Variants in VWA8 observed in about 807,000 individuals in gnomAD.
VWA8 encodes the protein von Willebrand factor A domain-containing protein 8.
Under a neutral mutation model 241.5 loss-of-function variants are expected in VWA8, and 221 were observed. That is an observed-to-expected ratio of 0.91 (90% CI 0.82 to 1.02). VWA8 has a LOEUF of 1.02. Among genes scored for constraint, VWA8 ranks in the 50% least tolerant of loss-of-function variants. The probability of loss-of-function intolerance (pLI) is 0.00; values close to 1 mark genes in which losing one functional copy is unlikely to be tolerated. For synonymous variants in VWA8, 852 were observed against 827.1 expected (o/e 1.03, Z -0.52); for missense variants, 2,322 against 2,328.7 (o/e 1.00, Z 0.06).
At chr13:41,794,218 TAC>T in intron 17 of VWA8, among the ~76,000 whole-genome samples, 1 of 152,206 alleles carries the variant, frequency 6.6e-6, no homozygotes, top group Admixed American at 6.5e-5. Flanking sequence ...ATCTATAAAT[TAC>T]TTTGGGAAGT....
At chr13:41,960,715 C>T in intron 1 of VWA8, 138 bp downstream of exon 1, 4 of 1,277,360 alleles carry the variant, frequency 3.1e-6, no homozygotes, top group Non-Finnish European at 4.1e-6. Flanking sequence ...GGGACTAGAA[C>T]CTCAATCTTT....
At chr13:41,763,926 G>T (rs1941765479) in intron 20 of VWA8, among the ~76,000 whole-genome samples, 1 of 152,154 alleles carries the variant, frequency 6.6e-6, no homozygotes. Flanking sequence ...CTCTTTTGCT[G>T]TGTCTCTTTA....
chr13:41,867,716 C>T (rs1873377652), intron 10 of VWA8, among the ~76,000 whole-genome samples: 1 of 151,896 alleles, frequency 6.6e-6, no homozygotes, highest in African/African-American at 2.4e-5. Flanking sequence ...AATATTAAAA[C>T]AAAAAAGTTT....
intron 43 of VWA8, among the ~76,000 whole-genome samples, chr13:41,574,447 C>T (rs1324783039): frequency 6.6e-6 from 1 of 152,088 alleles, no homozygotes; most frequent in Non-Finnish European, 1.5e-5. Flanking sequence ...GGAAACACAT[C>T]CAATGCTCAT....
chr13:41,703,858 A>G (rs2045266359), intron 26 of VWA8, among the ~76,000 whole-genome samples: 1 of 150,742 alleles, frequency 6.6e-6, no homozygotes, highest in Admixed American at 6.6e-5. Flanking sequence ...GCTCACCACA[A>G]CCTCTGCCTC....
At chr13:41,777,326 T>G (rs1438644598) in intron 20 of VWA8, among the ~76,000 whole-genome samples, 1 of 152,062 alleles carries the variant, frequency 6.6e-6, no homozygotes, top group Non-Finnish European at 1.5e-5. Flanking sequence ...CTCTCTTCCA[T>G]GAGTTAAAGG....
intron 37 of VWA8, among the ~76,000 whole-genome samples, chr13:41,643,435 G>A (rs1237741964): frequency 6.6e-6 from 1 of 152,200 alleles, no homozygotes; most frequent in African/African-American, 2.4e-5. Flanking sequence ...AATGCCTAGT[G>A]CATAGTAGAT....
intron 21 of VWA8, among the ~76,000 whole-genome samples, chr13:41,741,659 T>C (rs924407144): frequency 2.0e-4 from 30 of 152,336 alleles, no homozygotes; most frequent in African/African-American, 5.8e-4. Context: ...AAAAAATGGT[T>C]AGCCAAAGAA....
intron 2 of VWA8, among the ~76,000 whole-genome samples, chr13:41,944,974 A>G (rs943708739): frequency 6.6e-6 from 1 of 152,230 alleles, no homozygotes; most frequent in African/African-American, 2.4e-5. Context: ...GCTTCAGTGT[A>G]TGCCTAAGAA....
intron 4 of VWA8, among the ~76,000 whole-genome samples, chr13:41,891,943 A>G (rs1874867131): frequency 6.6e-6 from 1 of 152,218 alleles, no homozygotes; most frequent in Admixed American, 6.5e-5. Context: ...CTGGAAAAGA[A>G]AAATGAAGAC....
At chr13:41,761,084 G>T in intron 21 of VWA8, 44 bp downstream of exon 21, 1 of 1,574,058 alleles carries the variant, frequency 6.4e-7, no homozygotes, top group South Asian at 1.1e-5. Context: ...GGAAACAAAT[G>T]ATTAAATGAG....
At position 41,820,045 on chromosome 13, in the gene VWA8, C is replaced by A. The variant is rs1013972139; in HGVS notation, c.1701-659G>T. Among the ~76,000 whole-genome samples, 3 of 152,250 alleles carry A rather than the reference C, an allele frequency of 2.0e-5. No individual in the cohort carries two copies. In the East Asian group the frequency reaches 5.8e-4, roughly 29 times the overall value. ...GAAACTGAGGAAGCATGTAAATTTTCTAGTACACACAGAGGAGTAAGATAA... is the reference window on the plus strand; with the variant it reads ...GAAACTGAGGAAGCATGTAAATTTTATAGTACACACAGAGGAGTAAGATAA... On this transcript the variant is annotated intron_variant, in intron 14 of 44. Coordinates refer to ENST00000379310, the MANE Select transcript of VWA8 (RefSeq NM_015058.2).
At chr13:41,572,933 C>CCGGCCTGGCCGGCCTGGCCGG (rs1555303429) in intron 43 of VWA8, among the ~76,000 whole-genome samples, 1 of 148,142 alleles carries the variant, frequency 6.8e-6, no homozygotes, top group Non-Finnish European at 1.5e-5. Context: ...CATGGTGGAA[C>CCGGCCTGGCCGGCCTGGCCGG]CCTGTCTCTA....
At chr13:41,703,833 A>G (rs868454147) in intron 26 of VWA8, among the ~76,000 whole-genome samples, 2 of 146,318 alleles carry the variant, frequency 1.4e-5, no homozygotes, top group Non-Finnish European at 3.0e-5. Flanking sequence ...ACTGGAGTGC[A>G]GTTGTGTGAT....
chr13:41,616,035 T>C (rs564081056), intron 37 of VWA8, among the ~76,000 whole-genome samples: 5 of 152,334 alleles, frequency 3.3e-5, no homozygotes, highest in East Asian at 1.9e-4. Context: ...TACAAAGCCA[T>C]TGACGATTGG....
At chr13:41,864,701 T>C (rs2138048107) in intron 12 of VWA8, 3 of 394,948 alleles carry the variant, frequency 7.6e-6, no homozygotes, top group South Asian at 5.9e-5. Context: ...TACTGTTTAA[T>C]GAGTACAGAG....
chr13:41,957,542 G>T (rs565323897), intron 1 of VWA8, among the ~76,000 whole-genome samples: 6 of 152,208 alleles, frequency 3.9e-5, no homozygotes, highest in Middle Eastern at 3.4e-3. Flanking sequence ...GGAGGTGGAG[G>T]TTGCAGTAAG....
At chr13:41,767,827 T>C (rs531625615) in intron 20 of VWA8, among the ~76,000 whole-genome samples, 34 of 152,378 alleles carry the variant, frequency 2.2e-4, no homozygotes, top group Non-Finnish European at 4.9e-4. Context: ...AATCCACTTT[T>C]GGGTAGTGTG....
At chr13:41,760,121 A>C (rs531652086) in intron 21 of VWA8, among the ~76,000 whole-genome samples, 1 of 151,938 alleles carries the variant, frequency 6.6e-6, no homozygotes, top group South Asian at 2.1e-4. Context: ...GGGTTATTTA[A>C]TGAAGGAACT....
Sources: allele counts gnomAD v4.1 joint callset (sites outside exome capture counted in the v4.1 genomes callset), GRCh38; gene constraint gnomAD v4.1.1; transcripts MANE v1.5; gene names NCBI Gene and HGNC (gene_info 2026-07-23, HGNC 2026-07-21).